Variants in KBTBD11 observed in about 807,000 individuals in gnomAD.
KBTBD11 encodes kelch repeat and BTB domain-containing protein 11.
For missense variants in KBTBD11, 1,390 were observed against 1,001.8 expected (o/e 1.39, Z -5.23); for synonymous variants, 747 against 499.0 (o/e 1.50, Z -6.63).
intron 1 of KBTBD11, among the ~76,000 whole-genome samples, chr8:1,987,548 C>A (rs538475037): frequency 6.6e-6 from 1 of 152,200 alleles, no homozygotes; most frequent in South Asian, 2.1e-4. Flanking sequence ...ACCCCAAGCA[C>A]CCCTGCGCTC....
At chr8:1,974,787 C>T in intron 1 of KBTBD11, 1 of 743,522 alleles carries the variant, frequency 1.3e-6, no homozygotes, top group Non-Finnish European at 1.6e-6. Context: ...TCTTTAGAGT[C>T]CTACAAAACC....
In KBTBD11 at chr8:2,002,929, C is replaced by T; in HGVS notation, c.1737C>T (p.Gly579=). 4 of 1,321,506 alleles carry T rather than the reference C, an allele frequency of 3.0e-6. No individual in the cohort carries two copies. The highest frequency in any genetic ancestry group is 1.9e-6 in the Non-Finnish European group (2 of 1,038,700). The allele number at this position is 1,321,506 out of a possible 1,614,324, so 81.9% of individuals were successfully genotyped here. A position where few individuals can be genotyped will look rare whatever the true frequency, so the allele number is the denominator to read the frequency against. ...GGCGCTTCCAGCCTGCCCGGGAAGG[C>T]GAGGCCGGCGGCGACGCAGGCCAGG... ...GTWRFQPARE[G]EAGGDAGQGG... is the part of the protein sequence containing the mutation. The change falls in exon 2 of 2, where the codon GGC becomes GGT. Residue 579 remains glycine (G), a synonymous_variant. Transcript: ENST00000320248. The surrounding 1 kb of genome is among the most constrained non-coding windows in gnomAD (Gnocchi z 4.1).
Position 2,003,209 on chromosome 8 carries a change from C to T in KBTBD11, c.*145C>T. 8.4e-7 allele frequency: 1 copy of T among 1,189,594 alleles called. No individual in the cohort carries two copies. Among genetic ancestry groups the T allele is most frequent in the Non-Finnish European group, 1.1e-6 (1 of 937,608 alleles). The allele number at this position is 1,189,594 out of a possible 1,614,324, so 73.7% of individuals were successfully genotyped here. ...ACTTCGAAGGAGCCCCGAGGACGCT[C>T]TCAGGGCCGCTTTCGCTTTGCTTTC... On this transcript the variant is annotated 3_prime_UTR_variant, in exon 2 of 2. Coordinates refer to ENST00000320248, the MANE Select transcript of KBTBD11 (RefSeq NM_014867.3).
chr8:1,993,922 TACAC>T (rs57317862), intron 1 of KBTBD11, among the ~76,000 whole-genome samples: 2,508 of 139,682 alleles, frequency 0.018, 80 homozygotes, highest in African/African-American at 0.059. Flanking sequence ...CAATACCCCC[TACAC>T]ACACACACAC....
intron 1 of KBTBD11, among the ~76,000 whole-genome samples, chr8:1,993,674 A>G (rs1817020226): frequency 6.6e-6 from 1 of 151,866 alleles, no homozygotes; most frequent in African/African-American, 2.4e-5. Flanking sequence ...TTTTATGGAA[A>G]GGGATGACAC....
In KBTBD11 at chr8:1,976,842, G is replaced by A. The variant is rs1415203760; in HGVS notation, c.-909+2907G>A. Among the ~76,000 whole-genome samples the A allele has an allele frequency of 2.6e-5, 4 of 152,302 alleles. No individual in the cohort carries two copies. In the South Asian group the frequency reaches 8.3e-4, roughly 32 times the overall value. The stretch of plus-strand genomic sequence containing the variant: ...AGGAGCCCAGGAGGGGACAGTTTGC[G>A]GGAACATTGTGTGCAAAGGCCCTGT... On this transcript the variant is annotated intron_variant, in intron 1 of 1. Coordinates refer to ENST00000320248, the MANE Select transcript of KBTBD11 (RefSeq NM_014867.3).
rs1347648510 is a variant in KBTBD11, at chr8:2,001,471, C to T, written c.279C>T (p.Ser93=). The change falls in exon 2 of 2, where the codon TCC becomes TCT. Residue 93 remains serine (S), a synonymous_variant. Coordinates refer to ENST00000320248, the MANE Select transcript of KBTBD11 (RefSeq NM_014867.3). ...CCGCGTCCCCGGAGGAGCTCGCGTC[C>T]CCTGAGGAGCGCGCGTGCCCGGAAG... ...AGAASPEELA[S]PEERACPEEP... 4.4e-6 allele frequency: 6 copies of T among 1,371,478 alleles called. No homozygotes were observed. The highest frequency in any genetic ancestry group is 5.6e-6 in the Non-Finnish European group (6 of 1,070,850). The allele number at this position is 1,371,478 out of a possible 1,614,324, so 85.0% of individuals were successfully genotyped here. A position where few individuals can be genotyped will look rare whatever the true frequency, so the allele number is the denominator to read the frequency against.
intron 1 of KBTBD11, among the ~76,000 whole-genome samples, chr8:1,985,989 A>C (rs1816696948): frequency 6.6e-6 from 1 of 152,228 alleles, no homozygotes; most frequent in Non-Finnish European, 1.5e-5. Flanking sequence ...TGGATATGAA[A>C]CTGTCTCTTC....
chr8:2,001,911 T>C lies in KBTBD11; in HGVS notation c.719T>C (p.Leu240Pro). Reference sequence around the variant, plus strand: ...AGCCTGGCCAACTGCTACGAGGTCCTGAGCGCGGCCAAGCGGCAGCGGCTG... The same window carrying C: ...AGCCTGGCCAACTGCTACGAGGTCCCGAGCGCGGCCAAGCGGCAGCGGCTG... Reference protein sequence around the residue: ...QLSLANCYEVLSAAKRQRLNE... With the variant: ...QLSLANCYEVPSAAKRQRLNE... Residue 240 changes from leucine to proline, a missense_variant, in exon 2 of 2, where the codon CTG becomes CCG. Transcript: ENST00000320248. 1 of 1,451,948 alleles carries C rather than the reference T, an allele frequency of 6.9e-7. No individual in the cohort carries two copies. The highest frequency in any genetic ancestry group is 9.1e-7 in the Non-Finnish European group (1 of 1,096,896). The allele number at this position is 1,451,948 out of a possible 1,614,324, so 89.9% of individuals were successfully genotyped here.
Position 2,001,536 on chromosome 8 carries a change from A to G in KBTBD11, c.344A>G (p.Glu115Gly). ...APSPEPRVWL[E>G]DPASPEEPGE... ...TCCCCCGAACCGCGCGTTTGGCTTG[A>G]GGACCCCGCGTCCCCCGAGGAGCCC... Residue 115 changes from glutamate (E) to glycine (G), a missense_variant, in exon 2 of 2, where the codon GAG (glutamate) becomes GGG (glycine). Physicochemically the swap from Glu to Gly is moderately conservative, Grantham distance 98. Coordinates refer to ENST00000320248, the MANE Select transcript of KBTBD11 (RefSeq NM_014867.3). The G allele has an allele frequency of 7.0e-7, 1 of 1,432,600 alleles. No homozygotes were observed. The highest frequency in any genetic ancestry group is 9.1e-7 in the Non-Finnish European group (1 of 1,098,654). 88.7% of individuals were successfully genotyped at this position (1,432,600 alleles called of 1,614,324 possible). A position where few individuals can be genotyped will look rare whatever the true frequency, so the allele number is the denominator to read the frequency against.
intron 1 of KBTBD11, among the ~76,000 whole-genome samples, chr8:1,985,607 A>G (rs1350768847): frequency 6.6e-6 from 1 of 152,130 alleles, no homozygotes; most frequent in Non-Finnish European, 1.5e-5. Context: ...CTCTCATCTC[A>G]CCCCGAACAC....
At chr8:1,989,345 T>A (rs1423408912) in intron 1 of KBTBD11, among the ~76,000 whole-genome samples, 1 of 152,194 alleles carries the variant, frequency 6.6e-6, no homozygotes, top group East Asian at 1.9e-4. Flanking sequence ...TTTCAGTACT[T>A]CCAGATCTGT....
chr8:1,994,758 T>TA (rs1181404998), intron 1 of KBTBD11, among the ~76,000 whole-genome samples: 4 of 152,028 alleles, frequency 2.6e-5, no homozygotes, highest in Non-Finnish European at 4.4e-5. Flanking sequence ...ATGCCCTTCA[T>TA]AAAAAACAAG....
At chr8:1,977,082 GTTT>G (rs35601452) in intron 1 of KBTBD11, among the ~76,000 whole-genome samples, 4 of 145,470 alleles carry the variant, frequency 2.7e-5, no homozygotes, top group African/African-American at 1.0e-4. Flanking sequence ...AACATTATGA[GTTT>G]TTTTTTTTTT....
chr8:2,006,396 G>A lies in KBTBD11; in HGVS notation c.*3332G>A, dbSNP rs749456223. On this transcript the variant is annotated 3_prime_UTR_variant, in exon 2 of 2. Transcript: ENST00000320248. The stretch of plus-strand genomic sequence containing the variant: ...TTTTGTATTCTTGTTAATTTTAGAT[G>A]CTTTCCTAGCTTACAAAAAGTTCTG... 1.8e-5 allele frequency: 3 copies of A among 166,934 alleles called. No individual in the cohort carries two copies. The highest frequency in any genetic ancestry group is 6.5e-5 in the Admixed American group (1 of 15,286). 10.3% of individuals were successfully genotyped at this position (166,934 alleles called of 1,614,324 possible). A position where few individuals can be genotyped will look rare whatever the true frequency, so the allele number is the denominator to read the frequency against.
At position 1,973,775 on chromosome 8, in the gene KBTBD11, C is replaced by CG; in HGVS notation, c.-1068dup. 1.0e-6 allele frequency: 1 copy of CG among 983,834 alleles called. No homozygotes were observed. Among genetic ancestry groups the CG allele is most frequent in the African/African-American group, 1.7e-5 (1 of 57,194 alleles). The allele number at this position is 983,834 out of a possible 1,614,324, so 60.9% of individuals were successfully genotyped here. Reference sequence around the variant, plus strand: ...TGTCCACCGCCCCCTCTGCCGCCCACGCCCCGCTGCGGGTCGGAGGAGCAG... The same window carrying CG: ...TGTCCACCGCCCCCTCTGCCGCCCACGGCCCCGCTGCGGGTCGGAGGAGCAG... On this transcript the variant is annotated 5_prime_UTR_variant, in exon 1 of 2. Coordinates refer to ENST00000320248, the MANE Select transcript of KBTBD11 (RefSeq NM_014867.3).
chr8:2,001,505 G>T lies in KBTBD11; in HGVS notation c.313G>T (p.Ala105Ser). ...EERACPEEPAAPSPEPRVWLE... is the reference protein window; with the variant it reads ...EERACPEEPASPSPEPRVWLE... ...GCGCGCGTGCCCGGAAGAGCCCGCG[G>T]CGCCGTCCCCCGAACCGCGCGTTTG... The change falls in exon 2 of 2, where the codon GCG becomes TCG. Residue 105 changes from alanine to serine, a missense_variant. Coordinates refer to ENST00000320248, the MANE Select transcript of KBTBD11 (RefSeq NM_014867.3). 7.2e-7 allele frequency: 1 copy of T among 1,396,400 alleles called. No homozygotes were observed. The highest frequency in any genetic ancestry group is 3.1e-5 in the East Asian group (1 of 32,442). The allele number at this position is 1,396,400 out of a possible 1,614,324, so 86.5% of individuals were successfully genotyped here. A position where few individuals can be genotyped will look rare whatever the true frequency, so the allele number is the denominator to read the frequency against.
chr8:1,974,506 C>T (rs930942327), intron 1 of KBTBD11: 1 of 983,874 alleles, frequency 1.0e-6, no homozygotes, highest in Non-Finnish European at 1.2e-6. Context: ...GACTCGGGGC[C>T]CTGGGGAGGG....
In KBTBD11 at chr8:2,002,963, T is replaced by A. The variant is rs1817452967; in HGVS notation, c.1771T>A (p.Phe591Ile). ...AGGDAGQGGG[F>I]EALGAPLDVR... ...CGGCGACGCAGGCCAGGGCGGCGGC[T>A]TCGAGGCGCTGGGCGCCCCCTTGGA... Residue 591 changes from phenylalanine (F) to isoleucine (I), a missense_variant, in exon 2 of 2, where the codon TTC becomes ATC. Coordinates refer to ENST00000320248, the MANE Select transcript of KBTBD11 (RefSeq NM_014867.3). This position sits in a 1 kb window ranked among gnomAD's most constrained non-coding sequence, Gnocchi z 4.1. 1 of 1,313,906 alleles carries A rather than the reference T, an allele frequency of 7.6e-7. No homozygotes were observed. Among genetic ancestry groups the A allele is most frequent in the African/African-American group, 1.5e-5 (1 of 64,792 alleles). The allele number at this position is 1,313,906 out of a possible 1,614,324, so 81.4% of individuals were successfully genotyped here.
Sources: allele counts gnomAD v4.1 joint callset (sites outside exome capture counted in the v4.1 genomes callset), GRCh38; gene constraint gnomAD v4.1.1; non-coding constraint Gnocchi (gnomAD v3.1); transcripts MANE v1.5; gene names NCBI Gene and HGNC (gene_info 2026-07-23, HGNC 2026-07-21).